The following CYGB variants were observed in gnomAD, a reference collection of about 807,000 sequenced individuals.
CYGB encodes the protein cytoglobin, also known as histoglobin.
CYGB carries 13 observed loss-of-function variants against 20.7 expected under a neutral mutation model. That is an observed-to-expected ratio of 0.63 (90% CI 0.41 to 1.00). The LOEUF (loss-of-function observed/expected upper bound fraction) is 1.00. Ranked by LOEUF, CYGB falls within the 50% of genes least tolerant of loss-of-function variation. The pLI is 0.00. For synonymous variants in CYGB, 93 were observed against 107.4 expected (o/e 0.87, Z 0.83); for missense variants, 218 against 257.2 (o/e 0.85, Z 1.04).
chr17:76,528,919 T>C lies in CYGB; in HGVS notation c.540-308A>G. On this transcript the variant is annotated intron_variant, in intron 3 of 3. Transcript: ENST00000293230. The surrounding 1 kb of genome is among the most constrained non-coding windows in gnomAD (Gnocchi z 5.8). The stretch of plus-strand genomic sequence containing the variant: ...CACAAACTGCAAAGCACGATACCAA[T>C]GTGAGCTCTTTTTCCATTAATTCTG... 2.6e-6 allele frequency: 3 copies of C among 1,165,870 alleles called. No individual in the cohort carries two copies. The highest frequency in any genetic ancestry group is 3.2e-6 in the Non-Finnish European group (3 of 946,628). The allele number at this position is 1,165,870 out of a possible 1,614,324, so 72.2% of individuals were successfully genotyped here. A position where few individuals can be genotyped will look rare whatever the true frequency, so the allele number is the denominator to read the frequency against.
chr17:76,542,255 C>T (rs537820280), upstream of CYGB, among the ~76,000 whole-genome samples: 20 of 152,268 alleles, frequency 1.3e-4, no homozygotes, highest in African/African-American at 4.1e-4. Context: ...CCTGGCCTGG[C>T]GTGACTTAGC....
Position 76,530,133 on chromosome 17 carries a change from C to G in CYGB, c.539+846G>C. The G allele has an allele frequency of 1.0e-6, 1 of 976,784 alleles. No homozygotes were observed. The highest frequency in any genetic ancestry group is 1.1e-4 in the East Asian group (1 of 8,772). The allele number at this position is 976,784 out of a possible 1,614,324, so 60.5% of individuals were successfully genotyped here. A position where few individuals can be genotyped will look rare whatever the true frequency, so the allele number is the denominator to read the frequency against. On this transcript the variant is annotated intron_variant, in intron 3 of 3. Transcript: ENST00000293230. This position sits in a 1 kb window ranked among gnomAD's most constrained non-coding sequence, Gnocchi z 6.1. ...GTTTCTCTACCACGGGAATGTTTCT[C>G]TACCACGCGTGTCCCGGGCTGCTGG...
At chr17:76,535,656 G>T (rs1435998288) in intron 1 of CYGB, among the ~76,000 whole-genome samples, 1 of 152,186 alleles carries the variant, frequency 6.6e-6, no homozygotes, top group Non-Finnish European at 1.5e-5. Context: ...CCCTCTAAGA[G>T]ACAGGAGTGG....
upstream of CYGB, chr17:76,540,260 G>GGGCAT: frequency 1.1e-6 from 1 of 933,210 alleles, no homozygotes; most frequent in Non-Finnish European, 1.7e-6. The surrounding 1 kb of genome is among the most constrained non-coding windows in gnomAD (Gnocchi z 5.0). Flanking sequence ...TCGGGGGGGG[G>GGGCAT]GGGCATGGGG....
chr17:76,542,765 T>C (rs376107649), intron 1 of CYGB: 3 of 687,294 alleles, frequency 4.4e-6, no homozygotes, highest in South Asian at 3.3e-5. Flanking sequence ...AGGTTCAAAG[T>C]AGGCGGATGG....
At position 76,530,512 on chromosome 17, in the gene CYGB, G is replaced by A. The variant is rs968847559; in HGVS notation, c.539+467C>T. Among the ~76,000 whole-genome samples the A allele has an allele frequency of 2.0e-5, 3 of 152,134 alleles. No homozygotes were observed. The highest frequency in any genetic ancestry group is 7.2e-5 in the African/African-American group (3 of 41,414). On this transcript the variant is annotated intron_variant, in intron 3 of 3. Coordinates refer to ENST00000293230, the MANE Select transcript of CYGB (RefSeq NM_134268.5). This position sits in a 1 kb window ranked among gnomAD's most constrained non-coding sequence, Gnocchi z 6.1. ...TGTGTATGTGTCCTCGTGATCCTCC[G>A]GGCTCTAGCCCTATTGAGGCAGAGG... is the stretch of plus-strand genomic sequence containing the variant.
chr17:76,544,668 T>A (rs2075033468), intron 1 of CYGB: 1 of 456,654 alleles, frequency 2.2e-6, no homozygotes, highest in African/African-American at 2.0e-5. Context: ...TCGGCCTTCC[T>A]GGTGACAGGC....
chr17:76,539,875 C>G (rs994472786), upstream of CYGB, among the ~76,000 whole-genome samples: 1 of 152,224 alleles, frequency 6.6e-6, no homozygotes, highest in African/African-American at 2.4e-5. Flanking sequence ...CCAGTCTCAT[C>G]AGATCGAGAC....
upstream of CYGB, chr17:76,540,011 C>T: frequency 6.3e-6 from 6 of 953,984 alleles, no homozygotes; most frequent in Non-Finnish European, 4.9e-6. This position sits in a 1 kb window ranked among gnomAD's most constrained non-coding sequence, Gnocchi z 5.0. Flanking sequence ...CAGCTTGAGC[C>T]TCCTAATCCA....
At chr17:76,532,504 C>T (rs1041462711) in intron 1 of CYGB, among the ~76,000 whole-genome samples, 1 of 151,836 alleles carries the variant, frequency 6.6e-6, no homozygotes, top group Non-Finnish European at 1.5e-5. Flanking sequence ...CTAGCTGGGG[C>T]CCTGCAGTGT....
chr17:76,534,592 ATTCTCTCC>A (rs1436190390), intron 1 of CYGB, among the ~76,000 whole-genome samples: 2 of 152,254 alleles, frequency 1.3e-5, no homozygotes, highest in African/African-American at 4.8e-5. Flanking sequence ...AATCCTTGCA[ATTCTCTCC>A]TGAGGTAGGC....
rs552135600 is a variant in CYGB, at chr17:76,533,484, C to T, written c.144-1793G>A. 4.3e-3 allele frequency among the ~76,000 whole-genome samples: 651 copies of T among 152,250 alleles called. 2 individuals carry two copies. Among genetic ancestry groups the T allele is most frequent in the South Asian group, 0.014 (67 of 4,830 alleles). ...TCACGCCTATAATCCTAGCACTTTA[C>T]GAGGCCGAGGCGGGTGGATTGCTTG... On this transcript the variant is annotated intron_variant, in intron 1 of 3. Transcript: ENST00000293230. The surrounding 1 kb of genome is among the most constrained non-coding windows in gnomAD (Gnocchi z 4.5).
intron 1 of CYGB, among the ~76,000 whole-genome samples, chr17:76,548,083 CAAAT>C (rs959331392): frequency 4.0e-4 from 61 of 151,920 alleles, no homozygotes; most frequent in South Asian, 3.3e-3. Flanking sequence ...TGTACACACA[CAAAT>C]AAAACAGACA....
Position 76,531,077 on chromosome 17 carries a change from C to T in CYGB, c.441G>A (p.Thr147=), listed in dbSNP as rs377291088. 3.6e-5 allele frequency: 58 copies of T among 1,613,620 alleles called. No homozygotes were observed. The highest frequency in any genetic ancestry group is 6.7e-5 in the Admixed American group (4 of 59,992). ...CACGCAGCTTGGCCCAGGCTCTCTG[C>T]GTCTCAGGTGGGAAGTCACTGGCAA... ...EEFASDFPPE[T]QRAWAKLRGL... is the part of the protein sequence containing the mutation. The change falls in exon 3 of 4, where the codon ACG becomes ACA. Residue 147 remains threonine (T), a synonymous_variant. Transcript: ENST00000293230. This position sits in a 1 kb window ranked among gnomAD's most constrained non-coding sequence, Gnocchi z 7.4.
chr17:76,540,665 G>C, upstream of CYGB: 6 of 1,274,052 alleles, frequency 4.7e-6, no homozygotes, highest in South Asian at 7.4e-5. This position sits in a 1 kb window ranked among gnomAD's most constrained non-coding sequence, Gnocchi z 5.0. Context: ...GCCTGTGCGC[G>C]CCTGTGCGTG....
intron 1 of CYGB, among the ~76,000 whole-genome samples, chr17:76,549,683 G>C (rs1013271205): frequency 1.3e-5 from 2 of 152,162 alleles, no homozygotes; most frequent in Non-Finnish European, 2.9e-5. Flanking sequence ...AATATTCCTC[G>C]ACGTGGGAAC....
At chr17:76,529,659 G>A (rs1474021884) in intron 3 of CYGB, 3 of 985,254 alleles carry the variant, frequency 3.0e-6, no homozygotes, top group Non-Finnish European at 3.6e-6. Flanking sequence ...GGGAGGGCAG[G>A]CAAGCCCCCT....
chr17:76,529,477 G>A, intron 3 of CYGB: 1 of 985,426 alleles, frequency 1.0e-6, no homozygotes, highest in Non-Finnish European at 1.2e-6. Flanking sequence ...GCAGCGTGCT[G>A]GGGAACTTGG....
rs560514800 is a variant in CYGB at position 76,534,115 on chromosome 17, T to C, written c.144-2424A>G. 2.0e-3 allele frequency among the ~76,000 whole-genome samples: 290 copies of C among 147,950 alleles called. 1 individual carries two copies. Among genetic ancestry groups the C allele is most frequent in the African/African-American group, 6.3e-3 (259 of 40,930 alleles). On this transcript the variant is annotated intron_variant, in intron 1 of 3. Coordinates refer to ENST00000293230, the MANE Select transcript of CYGB (RefSeq NM_134268.5). ...CTTTTTTCTTTTTCTTTCTTTCTTC[T>C]TTCTTTCTTTCTTTCTCTCTCTCTT...
Sources: gnomAD v4.1 joint callset for allele counts (sites outside exome capture counted in the v4.1 genomes callset) on GRCh38, gnomAD v4.1.1 for gene constraint, Gnocchi (gnomAD v3.1) non-coding constraint, MANE v1.5 for transcripts, NCBI Gene and HGNC (gene_info 2026-07-23, HGNC 2026-07-21) for gene names.